TRIM3: variants seen among roughly 807,000 people sequenced by gnomAD.
TRIM3 encodes the protein tripartite motif containing 3.
A neutral mutation model predicts 66.6 loss-of-function variants in TRIM3; 13 were observed. The ratio of observed to expected loss-of-function variants is 0.20; its 90% CI spans 0.13 to 0.31. The LOEUF (loss-of-function observed/expected upper bound fraction) is 0.31. TRIM3 is among the 10% of genes least tolerant of loss of function. The probability of loss-of-function intolerance (pLI) is 1.00; values close to 1 mark genes in which losing one functional copy is unlikely to be tolerated. For missense variants in TRIM3, 711 were observed against 1,020.4 expected (o/e 0.70, Z 4.13); for synonymous variants, 406 against 411.7 (o/e 0.99, Z 0.17).
At chr11:6,470,042 C>A (rs1332400514) in intron 1 of TRIM3, among the ~76,000 whole-genome samples, 3 of 152,138 alleles carry the variant, frequency 2.0e-5, no homozygotes, top group Non-Finnish European at 4.4e-5. Context: ...GGAGTTTAGA[C>A]TTTACGCTTA....
chr11:6,466,098 T>C (rs1326959115), intron 1 of TRIM3, among the ~76,000 whole-genome samples: 1 of 152,184 alleles, frequency 6.6e-6, no homozygotes, highest in East Asian at 1.9e-4. Flanking sequence ...TTCACTGACA[T>C]ACCTACCCTT....
chr11:6,474,447 C>T (rs1287879257), upstream of TRIM3: 1 of 152,302 alleles, frequency 6.6e-6, no homozygotes, highest in Non-Finnish European at 1.5e-5. Context: ...GTACCCAGAA[C>T]TCTGGGAGAA....
chr11:6,468,489 G>T (rs56024253), intron 1 of TRIM3, among the ~76,000 whole-genome samples: 1 of 152,174 alleles, frequency 6.6e-6, no homozygotes, highest in Non-Finnish European at 1.5e-5. Context: ...GCACAAGAGA[G>T]GGGAGCCAGC....
At chr11:6,455,882 T>C (rs1849942998) in intron 7 of TRIM3, among the ~76,000 whole-genome samples, 190 bp downstream of exon 7, 1 of 152,060 alleles carries the variant, frequency 6.6e-6, no homozygotes, top group Non-Finnish European at 1.5e-5. Flanking sequence ...CTGGTTACAG[T>C]TGTGGCCTAT....
chr11:6,456,727 G>T lies in TRIM3; in HGVS notation c.999C>A (p.Arg333=), dbSNP rs1389512296. ...HETVATGEGL[R]QALVGQPASL... The stretch of plus-strand genomic sequence containing the variant: ...AGGCAGGCTGGCCCACTAGCGCCTG[G>T]CGCAGGCCCTCTCCCGTGGCCACCG... The change falls in exon 6 of 12, where the codon CGC becomes CGA. Residue 333 remains arginine (R), a synonymous_variant. Coordinates refer to ENST00000345851, the MANE Select transcript of TRIM3 (RefSeq NM_033278.4). The surrounding 1 kb of genome is among the most constrained non-coding windows in gnomAD (Gnocchi z 6.4). 1 of 1,609,722 alleles carries T rather than the reference G, an allele frequency of 6.2e-7. No individual in the cohort carries two copies. The highest frequency in any genetic ancestry group is 1.7e-5 in the Admixed American group (1 of 60,000).
chr11:6,456,577 A>T lies in TRIM3; in HGVS notation c.1149T>A (p.Asn383Lys), dbSNP rs1338122679. 6.2e-7 allele frequency: 1 copy of T among 1,612,838 alleles called. No homozygotes were observed. ...RLPVPVVDHK[N>K]GTYELVYTAR... Reference sequence around the variant, plus strand: ...CTGTGTACACTAGCTCATATGTGCCATTCTTGTGGTCCACCACTGGCACCG... The same window carrying T: ...CTGTGTACACTAGCTCATATGTGCCTTTCTTGTGGTCCACCACTGGCACCG... Residue 383 changes from asparagine to lysine, a missense_variant, in exon 6 of 12, where the codon AAT becomes AAA. Physicochemically the swap from Asn to Lys is moderately conservative, Grantham distance 94. Transcript: ENST00000345851. The surrounding 1 kb of genome is among the most constrained non-coding windows in gnomAD (Gnocchi z 6.4).
intron 1 of TRIM3, among the ~76,000 whole-genome samples, chr11:6,471,824 G>A (rs1433431224): frequency 6.6e-6 from 1 of 152,080 alleles, no homozygotes; most frequent in Non-Finnish European, 1.5e-5. Flanking sequence ...ACATTGATAC[G>A]TACATTGGGA....
At chr11:6,466,091 A>C (rs1850453399) in intron 1 of TRIM3, among the ~76,000 whole-genome samples, 1 of 152,112 alleles carries the variant, frequency 6.6e-6, no homozygotes, top group Non-Finnish European at 1.5e-5. Flanking sequence ...GTCCATTTTC[A>C]CTGACATACC....
intron 1 of TRIM3, among the ~76,000 whole-genome samples, chr11:6,468,903 G>T (rs1477811500): frequency 6.6e-6 from 1 of 151,124 alleles, no homozygotes; most frequent in Non-Finnish European, 1.5e-5. Context: ...AGCGAGTCTA[G>T]ATTTGGGGAG....
rs926615898 is a variant in TRIM3, at chr11:6,448,761, G to A, written c.*267C>T. On this transcript the variant is annotated 3_prime_UTR_variant, in exon 12 of 12. Transcript: ENST00000345851. ...CTGGGGGATGGGGAGCAGACTGACA[G>A]GGGTGGGGAGGTGTGTAAGAAGGGT... 1.6e-6 allele frequency: 1 copy of A among 612,844 alleles called. No homozygotes were observed. The highest frequency in any genetic ancestry group is 2.9e-6 in the Non-Finnish European group (1 of 344,538). 38.0% of individuals were successfully genotyped at this position (612,844 alleles called of 1,614,324 possible). A position where few individuals can be genotyped will look rare whatever the true frequency, so the allele number is the denominator to read the frequency against.
rs781675146 is a variant in TRIM3, at chr11:6,451,004, A to G, written c.1758T>C (p.Asn586=). Residue 586 remains asparagine (N), a synonymous_variant, in exon 9 of 12, where the codon AAT becomes AAC. Transcript: ENST00000345851. ...MGPKGVAVDR[N]GHIIVVDNKS... ...TGTTGTCGACCACAATGATATGTCC[A>G]TTCCGGTCTACGGCCACTCCCTTGG... 1.2e-5 allele frequency: 20 copies of G among 1,614,118 alleles called. No individual in the cohort carries two copies. The Admixed American group carries it at 3.3e-4, about 27-fold the overall frequency.
At chr11:6,471,666 A>G (rs915156284) in intron 1 of TRIM3, among the ~76,000 whole-genome samples, 1 of 152,242 alleles carries the variant, frequency 6.6e-6, no homozygotes, top group Non-Finnish European at 1.5e-5. Flanking sequence ...GAAACACGTA[A>G]CTACAATGTG....
intron 2 of TRIM3, among the ~76,000 whole-genome samples, chr11:6,463,963 A>G (rs1850342742): frequency 6.6e-6 from 1 of 152,230 alleles, no homozygotes; most frequent in South Asian, 2.1e-4. Flanking sequence ...GGGAAGCAGT[A>G]TCTCTGGTGC....
rs1462421286 is a variant in TRIM3 at position 6,449,135 on chromosome 11, C to A, written c.2128G>T (p.Ala710Ser). 2 of 1,614,156 alleles carry A rather than the reference C, an allele frequency of 1.2e-6. No individual in the cohort carries two copies. ...CCCTGTGGACCATACAGTGGTTCTG[C>A]AGATGTGTTGATATAGGACAGGAAG... ...GSFLSYINTS[A>S]EPLYGPQGLA... The change falls in exon 12 of 12, where the codon GCA becomes TCA. Residue 710 changes from alanine to serine, a missense_variant. Physicochemically the swap from Ala to Ser is moderately conservative, Grantham distance 99. This residue lies in a region of TRIM3 where 163 missense variants were observed against 321.9 expected (regional missense o/e 0.51). Coordinates refer to ENST00000345851, the MANE Select transcript of TRIM3 (RefSeq NM_033278.4). The surrounding 1 kb of genome is among the most constrained non-coding windows in gnomAD (Gnocchi z 5.3).
chr11:6,455,801 A>T (rs1299561058), intron 7 of TRIM3, among the ~76,000 whole-genome samples: 1 of 152,186 alleles, frequency 6.6e-6, no homozygotes, highest in Non-Finnish European at 1.5e-5. Context: ...CCAGGAGCTG[A>T]CCTGCCCTAA....
rs553717033 is a variant in TRIM3 at position 6,457,543 on chromosome 11, G to A, written c.516-67C>T. The A allele has an allele frequency of 6.9e-5, 109 of 1,580,132 alleles. No individual in the cohort carries two copies. Among genetic ancestry groups the A allele is most frequent in the Non-Finnish European group, 9.1e-5 (106 of 1,161,494 alleles). On this transcript the variant is annotated intron_variant, in intron 4 of 11. Transcript: ENST00000345851. This position sits in a 1 kb window ranked among gnomAD's most constrained non-coding sequence, Gnocchi z 4.5. ...TTTGCCGAACTTTCCCTTCTCCCTGGGGAACCTACTGCTGCCCTCATGGAG... is the reference window on the plus strand; with the variant it reads ...TTTGCCGAACTTTCCCTTCTCCCTGAGGAACCTACTGCTGCCCTCATGGAG...
intron 1 of TRIM3, among the ~76,000 whole-genome samples, chr11:6,470,236 A>T (rs1850626909): frequency 6.6e-6 from 1 of 152,178 alleles, no homozygotes; most frequent in Admixed American, 6.5e-5. Flanking sequence ...GCCAAGATAA[A>T]TCAATTTTGC....
intron 7 of TRIM3, chr11:6,452,651 T>C (rs1461798202): frequency 1.3e-5 from 2 of 152,258 alleles, no homozygotes; most frequent in Non-Finnish European, 2.9e-5. Flanking sequence ...TCTTGGGTTC[T>C]GCAGTGGTCC....
chr11:6,449,540 C>T lies in TRIM3; in HGVS notation c.1942-94G>A. ...AGGGTGAAGCCCCAGGGCTGAGAACCCCCACCCAGATCTACAGCTACAGCC... is the reference window on the plus strand; with the variant it reads ...AGGGTGAAGCCCCAGGGCTGAGAACTCCCACCCAGATCTACAGCTACAGCC... On this transcript the variant is annotated intron_variant, in intron 10 of 11. Transcript: ENST00000345851. The surrounding 1 kb of genome is among the most constrained non-coding windows in gnomAD (Gnocchi z 5.3). The T allele has an allele frequency of 2.3e-6, 3 of 1,290,502 alleles. No individual in the cohort carries two copies. The highest frequency in any genetic ancestry group is 3.2e-6 in the Non-Finnish European group (3 of 943,628). The allele number at this position is 1,290,502 out of a possible 1,614,324, so 79.9% of individuals were successfully genotyped here.
Sources: allele counts gnomAD v4.1 joint callset (sites outside exome capture counted in the v4.1 genomes callset), GRCh38; gene constraint gnomAD v4.1.1; regional missense constraint gnomAD v4.1.1; non-coding constraint Gnocchi (gnomAD v3.1); transcripts MANE v1.5; gene names NCBI Gene and HGNC (gene_info 2026-07-23, HGNC 2026-07-21).